The following HDAC9 variants were observed in gnomAD, a reference collection of about 807,000 sequenced individuals.
The protein encoded by HDAC9 is MEF-2 interacting transcription repressor (MITR) protein.
In HDAC9, 41 loss-of-function variants were observed where a neutral mutation model predicts 139.4. That is an observed-to-expected ratio of 0.29 (90% CI 0.23 to 0.38). The LOEUF is 0.38. Ranked by LOEUF, HDAC9 falls within the 10% of genes least tolerant of loss-of-function variation. HDAC9 has a pLI of 1.00. For synonymous variants in HDAC9, 517 were observed against 476.2 expected, an observed-to-expected ratio of 1.09 and a Z score of -1.12; for missense variants, 1,147 against 1,297.0, an observed-to-expected ratio of 0.88 and a Z score of 1.78.
At chr7:18,724,213 G>T (rs749477173) in intron 12 of HDAC9, among the ~76,000 whole-genome samples, 5 of 152,010 alleles carry the variant, frequency 3.3e-5, no homozygotes, top group Non-Finnish European at 7.4e-5. Flanking sequence ...AATTTTTCCT[G>T]TATAGCACTC....
At chr7:18,464,074 C>T (rs1257625907) in intron 1 of HDAC9, among the ~76,000 whole-genome samples, 1 of 151,862 alleles carries the variant, frequency 6.6e-6, no homozygotes, top group Non-Finnish European at 1.5e-5. Context: ...GTCTGTTTGT[C>T]TATTTGACTT....
At chr7:18,300,879 G>A (rs1798496515) in intron 1 of HDAC9, among the ~76,000 whole-genome samples, 1 of 152,066 alleles carries the variant, frequency 6.6e-6, no homozygotes, top group African/African-American at 2.4e-5. Flanking sequence ...GTTATGAAAT[G>A]GCAGTTGAAA....
chr7:18,638,952 A>C (rs1784734937), intron 8 of HDAC9, among the ~76,000 whole-genome samples: 1 of 151,992 alleles, frequency 6.6e-6, no homozygotes, highest in Non-Finnish European at 1.5e-5. Flanking sequence ...TGTGGGTTCA[A>C]ATATGTTTCC....
At chr7:18,087,186 G>A (rs548114675) in exon 1 of HDAC9, 2 of 152,546 alleles carry the variant, frequency 1.3e-5, no homozygotes, top group African/African-American at 4.8e-5. Context: ...GAAGGAGGGC[G>A]CGATAGCCTC....
chr7:18,307,267 A>C (rs886860745), intron 1 of HDAC9, among the ~76,000 whole-genome samples: 1 of 152,060 alleles, frequency 6.6e-6, no homozygotes, highest in Non-Finnish European at 1.5e-5. Flanking sequence ...AACCATGAAC[A>C]TTTATACCTG....
chr7:18,586,855 C>T (rs1222936681), intron 3 of HDAC9, among the ~76,000 whole-genome samples: 3 of 152,054 alleles, frequency 2.0e-5, no homozygotes, highest in Admixed American at 2.0e-4. Context: ...GTATGGGTAG[C>T]CTTTCTTTAG....
chr7:18,782,519 T>A (rs1168879503), intron 16 of HDAC9, among the ~76,000 whole-genome samples: 2 of 152,056 alleles, frequency 1.3e-5, no homozygotes, highest in African/African-American at 4.8e-5. Flanking sequence ...CTGGATGTGC[T>A]TGGAAAAGCC....
At chr7:18,949,889 G>T (rs145115814) in intron 23 of HDAC9, 4 of 151,568 alleles carry the variant, frequency 2.6e-5, no homozygotes, top group Admixed American at 6.6e-5. Flanking sequence ...ATAAATATAC[G>T]TATTTTATAT....
chr7:18,218,298 G>T (rs1792452095), intron 2 of HDAC9, among the ~76,000 whole-genome samples: 1 of 151,956 alleles, frequency 6.6e-6, no homozygotes, highest in Admixed American at 6.6e-5. Flanking sequence ...ACAAAAATTA[G>T]CCAGGCATGG....
At chr7:18,169,602 C>T (rs1215299401) in intron 2 of HDAC9, among the ~76,000 whole-genome samples, 1 of 151,954 alleles carries the variant, frequency 6.6e-6, no homozygotes, top group Non-Finnish European at 1.5e-5. Flanking sequence ...TAATGCTATC[C>T]CTCCCCCTGT....
At chr7:18,512,859 A>C (rs1801978680) in intron 2 of HDAC9, among the ~76,000 whole-genome samples, 1 of 152,228 alleles carries the variant, frequency 6.6e-6, no homozygotes, top group Admixed American at 6.5e-5. Context: ...TTTGTAAAGC[A>C]ACAAATGGAG....
chr7:18,169,328 C>T (rs371392116), intron 2 of HDAC9, among the ~76,000 whole-genome samples: 2 of 152,078 alleles, frequency 1.3e-5, no homozygotes, highest in Non-Finnish European at 2.9e-5. Flanking sequence ...CACTGCACCC[C>T]TCTTATTTTC....
At chr7:18,199,085 TTTTG>T (rs557143555) in intron 2 of HDAC9, among the ~76,000 whole-genome samples, 91 of 152,170 alleles carry the variant, frequency 6.0e-4, no homozygotes, top group Non-Finnish European at 7.2e-4. Flanking sequence ...TCATTAAGTT[TTTTG>T]TTTGTTTGTT....
At chr7:18,889,325 C>T (rs1204798701) in intron 22 of HDAC9, among the ~76,000 whole-genome samples, 1 of 152,166 alleles carries the variant, frequency 6.6e-6, no homozygotes, top group East Asian at 1.9e-4. Context: ...TGCTCTATCA[C>T]TTCTTTGACG....
intron 1 of HDAC9, among the ~76,000 whole-genome samples, chr7:18,125,828 C>G (rs560830934): frequency 6.6e-6 from 1 of 152,174 alleles, no homozygotes; most frequent in East Asian, 1.9e-4. Context: ...ATATAATTTT[C>G]ATGTGTCATA....
intron 1 of HDAC9, among the ~76,000 whole-genome samples, chr7:18,470,542 C>T (rs1360107001): frequency 1.3e-5 from 2 of 152,122 alleles, no homozygotes; most frequent in African/African-American, 2.4e-5. Context: ...GTGAGAATCT[C>T]TTAAGGCAGG....
chr7:18,770,483 G>C (rs1348677560), intron 16 of HDAC9, among the ~76,000 whole-genome samples: 3 of 152,104 alleles, frequency 2.0e-5, no homozygotes, highest in Non-Finnish European at 4.4e-5. Flanking sequence ...CTGCTGCTGT[G>C]TGAAGAAATC....
intron 19 of HDAC9, among the ~76,000 whole-genome samples, chr7:18,831,973 A>C (rs1400535982): frequency 6.6e-6 from 1 of 152,198 alleles, no homozygotes; most frequent in African/African-American, 2.4e-5. Flanking sequence ...TAATTTGCCT[A>C]CTACTTTGGG....
intron 25 of HDAC9, among the ~76,000 whole-genome samples, chr7:18,982,832 T>G (rs1331071425): frequency 1.3e-5 from 2 of 152,178 alleles, no homozygotes; most frequent in East Asian, 1.9e-4. Context: ...TTTTTATTAT[T>G]GTACATTACT....
Sources: gnomAD v4.1 joint callset for allele counts (sites outside exome capture counted in the v4.1 genomes callset) on GRCh38, gnomAD v4.1.1 for gene constraint, MANE v1.5 for transcripts, NCBI Gene and HGNC (gene_info 2026-07-23, HGNC 2026-07-21) for gene names.